Variants in SLC2A12 observed in about 807,000 individuals in gnomAD.
SLC2A12 encodes solute carrier family 2, facilitated glucose transporter member 12.
In SLC2A12, 23 loss-of-function variants were observed where a neutral mutation model predicts 41.8. The ratio of observed to expected loss-of-function variants is 0.55; its 90% CI spans 0.40 to 0.78. SLC2A12 has a LOEUF of 0.78. SLC2A12 is among the 30% of genes least tolerant of loss of function. The pLI is 0.00. For missense variants in SLC2A12, 654 were observed against 745.6 expected, an observed-to-expected ratio of 0.88 and a Z score of 1.43; for synonymous variants, 295 against 285.9, an observed-to-expected ratio of 1.03 and a Z score of -0.32.
In SLC2A12 at chr6:133,988,415, G is replaced by A. The variant is rs1776568694; in HGVS notation, c.*2740C>T. 6.6e-6 allele frequency: 1 copy of A among 152,082 alleles called. No individual in the cohort carries two copies. The highest frequency in any genetic ancestry group is 2.1e-4 in the South Asian group (1 of 4,824). The allele number at this position is 152,082 out of a possible 1,614,324, so 9.4% of individuals were successfully genotyped here. On this transcript the variant is annotated 3_prime_UTR_variant, in exon 5 of 5. Transcript: ENST00000275230. The stretch of plus-strand genomic sequence containing the variant: ...AGTGGAGAGTCCAATTAGCTTCTCA[G>A]GAGAAACTTAATGGGGACAATATTC...
rs781535851 is a variant in SLC2A12 at position 133,991,178 on chromosome 6, T to C, written c.1831A>G (p.Arg611Gly). 1.2e-6 allele frequency: 2 copies of C among 1,613,066 alleles called. No individual in the cohort carries two copies. The highest frequency in any genetic ancestry group is 1.7e-6 in the Non-Finnish European group (2 of 1,179,762). Residue 611 changes from arginine (R) to glycine (G), a missense_variant, in exon 5 of 5, where the codon AGG becomes GGG. Physicochemically the swap from Arg to Gly is moderately radical, Grantham distance 125. Transcript: ENST00000275230. ...CNKLCGRGQS[R>G]QLSPET ...CATTAGGTCTCTGGAGAAAGCTGCC[T>C]GGATTGGCCCCTACCACACAGCTTG...
chr6:134,042,063 A>G (rs1777389385), intron 1 of SLC2A12, among the ~76,000 whole-genome samples: 1 of 152,242 alleles, frequency 6.6e-6, no homozygotes, highest in Non-Finnish European at 1.5e-5. Context: ...AATGGGATGG[A>G]AAGTTGTTTT....
intron 1 of SLC2A12, among the ~76,000 whole-genome samples, chr6:134,050,403 T>G (rs1773658104): frequency 6.6e-6 from 1 of 152,252 alleles, no homozygotes; most frequent in African/African-American, 2.4e-5. Flanking sequence ...AAAATTAAAT[T>G]TGAAAGATAA....
intron 4 of SLC2A12, among the ~76,000 whole-genome samples, chr6:133,992,879 C>G (rs757609497): frequency 2.6e-5 from 4 of 152,128 alleles, no homozygotes; most frequent in Non-Finnish European, 4.4e-5. Context: ...TAGGGCATGA[C>G]CATCCTGCTT....
intron 1 of SLC2A12, among the ~76,000 whole-genome samples, chr6:134,052,050 T>A (rs1219155783): frequency 6.6e-6 from 1 of 152,066 alleles, no homozygotes; most frequent in African/African-American, 2.4e-5. Context: ...ATGAAAAACA[T>A]CCATACATTG....
rs188301213 is a variant in SLC2A12, at chr6:134,024,085, C to T, written c.1444+4296G>A. On this transcript the variant is annotated intron_variant, in intron 2 of 4. Transcript: ENST00000275230. ...ACCCTGCTGCCGATCACTGGTTCCC[C>T]TTGTTGGAGTGAGGGCCCAGCGAGT... 7.2e-4 allele frequency among the ~76,000 whole-genome samples: 110 copies of T among 152,352 alleles called. 1 individual carries two copies. The highest frequency in any genetic ancestry group is 7.1e-3 in the Admixed American group (109 of 15,306).
intron 1 of SLC2A12, among the ~76,000 whole-genome samples, chr6:134,051,472 T>G (rs1466171256): frequency 6.6e-6 from 1 of 152,224 alleles, no homozygotes; most frequent in Non-Finnish European, 1.5e-5. Context: ...TGCTTGGGAA[T>G]GTAATATCTG....
At chr6:133,999,571 T>C (rs1776731735) in intron 4 of SLC2A12, among the ~76,000 whole-genome samples, 1 of 152,142 alleles carries the variant, frequency 6.6e-6, no homozygotes, top group African/African-American at 2.4e-5. Flanking sequence ...GCCCTGAGTT[T>C]GACATGTGAG....
chr6:134,050,853 G>T (rs535860218), intron 1 of SLC2A12, among the ~76,000 whole-genome samples: 8 of 152,034 alleles, frequency 5.3e-5, no homozygotes, highest in Admixed American at 5.2e-4. Context: ...AGTAGCAAGC[G>T]CTTAGGGAAA....
At chr6:134,030,659 G>C (rs1777191958) in intron 1 of SLC2A12, among the ~76,000 whole-genome samples, 2 of 152,194 alleles carry the variant, frequency 1.3e-5, no homozygotes, top group African/African-American at 4.8e-5. Flanking sequence ...AATTTCCAAG[G>C]CCTTAGGACA....
intron 1 of SLC2A12, among the ~76,000 whole-genome samples, chr6:134,051,760 A>G (rs1348526165): frequency 6.6e-6 from 1 of 152,238 alleles, no homozygotes; most frequent in Non-Finnish European, 1.5e-5. Flanking sequence ...GGCCAGTTTT[A>G]AAGAAGGCAG....
In SLC2A12 at chr6:133,991,259, ATTC is replaced by A. The variant is rs751060928; in HGVS notation, c.1747_1749del (p.Glu583del). 44 of 1,613,904 alleles carry A rather than the reference ATTC, an allele frequency of 2.7e-5. No homozygotes were observed. In the East Asian group the frequency reaches 5.1e-4, roughly 19 times the overall value. Reference sequence around the variant, plus strand: ...CTTTTTTGAGGCTGTTTTGGCACTAATTCTTCTTGGTGATGACTCATAAAACAA... The same window carrying A: ...CTTTTTTGAGGCTGTTTTGGCACTAATTCTTGGTGATGACTCATAAAACAA... On this transcript the variant is annotated inframe_deletion, in exon 5 of 5. Transcript: ENST00000275230.
At chr6:134,030,542 G>A (rs1401817204) in intron 1 of SLC2A12, among the ~76,000 whole-genome samples, 2 of 152,110 alleles carry the variant, frequency 1.3e-5, no homozygotes, top group Non-Finnish European at 2.9e-5. Context: ...TTAATTTTTG[G>A]TGGTAGGAAC....
chr6:134,052,507 C>T lies in SLC2A12; in HGVS notation c.-27G>A. ...GTCACGTAGAAGTTACAGCCGCTTCCCCGCCACCAAACCGCCCCGACCACC... is the reference window on the plus strand; with the variant it reads ...GTCACGTAGAAGTTACAGCCGCTTCTCCGCCACCAAACCGCCCCGACCACC... On this transcript the variant is annotated 5_prime_UTR_variant, in exon 1 of 5. Transcript: ENST00000275230. 6.3e-7 allele frequency: 1 copy of T among 1,597,898 alleles called. No individual in the cohort carries two copies. Among genetic ancestry groups the T allele is most frequent in the Non-Finnish European group, 8.6e-7 (1 of 1,168,382 alleles).
intron 1 of SLC2A12, among the ~76,000 whole-genome samples, chr6:134,032,943 T>C (rs1421282667): frequency 6.7e-6 from 1 of 149,938 alleles, no homozygotes; most frequent in Non-Finnish European, 1.5e-5. Context: ...TTGCAACTTG[T>C]CAAAATAGAA....
intron 2 of SLC2A12, among the ~76,000 whole-genome samples, chr6:134,015,002 G>C (rs1776936627): frequency 6.6e-6 from 1 of 152,210 alleles, no homozygotes; most frequent in African/African-American, 2.4e-5. Context: ...TGGATGCAAA[G>C]TTAATACAGA....
Position 133,991,082 on chromosome 6 carries a change from C to G in SLC2A12, c.*73G>C. ...CACTGAAAAGAGAGCACAGGAGTCG[C>G]AACTATGCATTGGTCCAAAGACACC... On this transcript the variant is annotated 3_prime_UTR_variant, in exon 5 of 5. Transcript: ENST00000275230. 1 of 1,501,766 alleles carries G rather than the reference C, an allele frequency of 6.7e-7. No individual in the cohort carries two copies. The highest frequency in any genetic ancestry group is 8.9e-7 in the Non-Finnish European group (1 of 1,118,034). The allele number at this position is 1,501,766 out of a possible 1,614,324, so 93.0% of individuals were successfully genotyped here.
chr6:134,006,698 CCTT>C, intron 3 of SLC2A12, 111 bp downstream of exon 3: 1 of 1,363,932 alleles, frequency 7.3e-7, no homozygotes, highest in South Asian at 1.4e-5. Context: ...TGGCCGTTCT[CCTT>C]CTAAGTGTGT....
intron 2 of SLC2A12, among the ~76,000 whole-genome samples, chr6:134,026,169 G>C (rs1385496957): frequency 3.3e-5 from 5 of 152,060 alleles, no homozygotes; most frequent in Non-Finnish European, 7.4e-5. Flanking sequence ...CTTTTTCTTA[G>C]ACTCTTAGCT....
Sources: allele counts gnomAD v4.1 joint callset (sites outside exome capture counted in the v4.1 genomes callset), GRCh38; gene constraint gnomAD v4.1.1; transcripts MANE v1.5; gene names NCBI Gene and HGNC (gene_info 2026-07-23, HGNC 2026-07-21).